FXYD6: variants seen among roughly 807,000 people sequenced by gnomAD.
FXYD6 encodes the protein FXYD domain-containing ion transport regulator 6.
FXYD6 carries 7 observed loss-of-function variants against 16.7 expected under a neutral mutation model. That is an observed-to-expected ratio of 0.42 (90% CI 0.24 to 0.79). The LOEUF is 0.79. Ranked by LOEUF, FXYD6 falls within the 30% of genes least tolerant of loss-of-function variation. FXYD6 has a pLI of 0.28. For missense variants in FXYD6, 111 were observed against 116.2 expected (o/e 0.95, Z 0.21); for synonymous variants, 49 against 43.0 (o/e 1.14, Z -0.54).
rs1306121922 is a variant in FXYD6 at position 117,838,260 on chromosome 11, C to T, written c.*39G>A. The T allele has an allele frequency of 2.0e-5, 14 of 702,392 alleles. No homozygotes were observed. Among genetic ancestry groups the T allele is most frequent in the Admixed American group, 8.0e-5 (4 of 49,986 alleles). 43.5% of individuals were successfully genotyped at this position (702,392 alleles called of 1,614,324 possible). ...ATTTGCATCCAAAGGTTCAAGCAGC[C>T]GCCTCAGGTTCCAGAGGCTGAGGAG... On this transcript the variant is annotated 3_prime_UTR_variant, in exon 8 of 8. Transcript: ENST00000526014.
chr11:117,844,002 A>T (rs1170015500), intron 1 of FXYD6: 3 of 152,314 alleles, frequency 2.0e-5, no homozygotes, highest in Non-Finnish European at 4.4e-5. Context: ...GAACCAGGAA[A>T]GCCCAAGGCT....
At chr11:117,858,628 CTTTTTTCTTTCTTTCT>C (rs1311223768) in intron 1 of FXYD6, among the ~76,000 whole-genome samples, 3 of 145,890 alleles carry the variant, frequency 2.1e-5, no homozygotes, top group East Asian at 2.1e-4. Flanking sequence ...GCTTCATTTT[CTTTTTTCTTTCTTTCT>C]TTCTTTCTTT....
Position 117,869,414 on chromosome 11 carries a change from G to A in FXYD6, c.-6+7178C>T, listed in dbSNP as rs536521048. On this transcript the variant is annotated intron_variant, in intron 1 of 7. Coordinates refer to ENST00000526014, the MANE Select transcript of FXYD6 (RefSeq NM_022003.4). ...TGTCAGGCGCCTTCAGTAGCCCAAC[G>A]GCTCGAATGCTGCCCCTCCAACCCT... 5.3e-5 allele frequency among the ~76,000 whole-genome samples: 8 copies of A among 152,298 alleles called. No homozygotes were observed. In the East Asian group the frequency reaches 1.2e-3, roughly 22 times the overall value.
intron 6 of FXYD6, 82 bp downstream of exon 6, chr11:117,840,237 C>A: frequency 6.3e-7 from 1 of 1,590,084 alleles, no homozygotes; most frequent in Non-Finnish European, 8.6e-7. Flanking sequence ...GGCCATGCAC[C>A]TGGCAACAGT....
chr11:117,860,554 G>C (rs11601324), intron 1 of FXYD6, among the ~76,000 whole-genome samples: 32,067 of 152,132 alleles, frequency 0.21, 4,198 homozygotes, highest in Admixed American at 0.33. Context: ...GTTGAACAGA[G>C]AGCTGTTTAC....
chr11:117,860,719 T>C (rs562822583), intron 1 of FXYD6, among the ~76,000 whole-genome samples: 1 of 152,336 alleles, frequency 6.6e-6, no homozygotes, highest in South Asian at 2.1e-4. Context: ...TCAAGTGAGA[T>C]AATAGGTGTG....
In FXYD6 at chr11:117,842,025, G is replaced by A. The variant is rs141414127; in HGVS notation, c.62C>T (p.Ala21Val). 19 of 1,614,044 alleles carry A rather than the reference G, an allele frequency of 1.2e-5. No individual in the cohort carries two copies. The African/African-American group carries it at 2.0e-4, about 17-fold the overall frequency. The change falls in exon 3 of 8, where the codon GCT (alanine) becomes GTT (valine). Residue 21 changes from alanine to valine, a missense_variant. Physicochemically the swap from Ala to Val is moderately conservative, Grantham distance 64. Transcript: ENST00000526014. ...AGGGTCCATTTCCTTCTCCTTTTCA[G>A]CTGCTGCAAAAACAAACAGTTGGTC... ...LLAPMVLASA[A>V]EKEKEMDPFH...
At chr11:117,865,004 AAACTC>A (rs2056985294) in intron 1 of FXYD6, among the ~76,000 whole-genome samples, 1 of 152,224 alleles carries the variant, frequency 6.6e-6, no homozygotes, top group Non-Finnish European at 1.5e-5. Flanking sequence ...AGACCTCCTA[AAACTC>A]AACAACAAAA....
intron 1 of FXYD6, among the ~76,000 whole-genome samples, chr11:117,855,123 A>AT (rs2056692591): frequency 6.6e-6 from 1 of 152,230 alleles, no homozygotes; most frequent in Non-Finnish European, 1.5e-5. Flanking sequence ...GAGAACTCAG[A>AT]TAAGATGGTT....
chr11:117,858,235 A>G (rs2056780400), intron 1 of FXYD6: 1 of 152,302 alleles, frequency 6.6e-6, no homozygotes, highest in Admixed American at 6.6e-5. Context: ...TTCTTCTCCA[A>G]ACTGTCCCTC....
At chr11:117,865,906 A>G (rs1565328907) in intron 1 of FXYD6, among the ~76,000 whole-genome samples, 1 of 145,368 alleles carries the variant, frequency 6.9e-6, no homozygotes, top group Non-Finnish European at 1.5e-5. Context: ...TGGGCGACAG[A>G]ACAAGATTCC....
chr11:117,871,264 C>T (rs73586984), intron 1 of FXYD6, among the ~76,000 whole-genome samples: 190 of 152,238 alleles, frequency 1.2e-3, no homozygotes, highest in African/African-American at 4.4e-3. Flanking sequence ...CTTGGGAACG[C>T]GTGGTGTGCA....
At chr11:117,867,847 AAG>A (rs2057043482) in intron 1 of FXYD6, among the ~76,000 whole-genome samples, 1 of 152,118 alleles carries the variant, frequency 6.6e-6, no homozygotes. Context: ...AGAAAAAAAA[AAG>A]AAAGAAAGAA....
chr11:117,856,212 A>G (rs1357333696), intron 1 of FXYD6, among the ~76,000 whole-genome samples: 1 of 152,196 alleles, frequency 6.6e-6, no homozygotes, highest in African/African-American at 2.4e-5. Context: ...AACTGCTCAG[A>G]AAGAGAAGCC....
chr11:117,861,097 T>C (rs1364935443), intron 1 of FXYD6, among the ~76,000 whole-genome samples: 1 of 152,178 alleles, frequency 6.6e-6, no homozygotes, highest in Non-Finnish European at 1.5e-5. Context: ...AACTGCAAGA[T>C]GGGCCTAACA....
At chr11:117,841,029 C>T in intron 5 of FXYD6, 119 bp downstream of exon 5, 9 of 1,327,200 alleles carry the variant, frequency 6.8e-6, no homozygotes, top group Non-Finnish European at 9.4e-6. Flanking sequence ...TCCCAACACA[C>T]ACGTTCTGCC....
intron 6 of FXYD6, 49 bp downstream of exon 6, chr11:117,840,269 GT>G: frequency 6.2e-7 from 1 of 1,606,448 alleles, no homozygotes; most frequent in Non-Finnish European, 8.5e-7. Flanking sequence ...CCACAGAGGG[GT>G]CTCTCTGTTC....
chr11:117,858,721 T>C (rs1039439345), intron 1 of FXYD6, among the ~76,000 whole-genome samples: 4 of 88,004 alleles, frequency 4.5e-5, no homozygotes, highest in Admixed American at 1.2e-4. Flanking sequence ...CTCTCCTTCC[T>C]TCCCTTCCTT....
rs1418128555 is a variant in FXYD6, at chr11:117,872,846, G to A, written c.-6+3746C>T. 6.6e-6 allele frequency among the ~76,000 whole-genome samples: 1 copy of A among 152,194 alleles called. No homozygotes were observed. The highest frequency in any genetic ancestry group is 1.5e-5 in the Non-Finnish European group (1 of 68,036). On this transcript the variant is annotated intron_variant, in intron 1 of 7. Coordinates refer to ENST00000526014, the MANE Select transcript of FXYD6 (RefSeq NM_022003.4). This position sits in a 1 kb window ranked among gnomAD's most constrained non-coding sequence, Gnocchi z 4.9. ...GCTGCCAAATTGGTTCCATGCTTTT[G>A]TTTCGGCCGGAGATGTCCTGCCTCT...
Sources: allele counts gnomAD v4.1 joint callset (sites outside exome capture counted in the v4.1 genomes callset), GRCh38; gene constraint gnomAD v4.1.1; non-coding constraint Gnocchi (gnomAD v3.1); transcripts MANE v1.5; gene names NCBI Gene and HGNC (gene_info 2026-07-23, HGNC 2026-07-21).